Variants in ACSM1 observed in about 807,000 individuals in gnomAD.
ACSM1 encodes acyl-coenzyme A synthetase ACSM1, mitochondrial.
ACSM1 carries 79 observed loss-of-function variants against 75.8 expected under a neutral mutation model. That is an observed-to-expected ratio of 1.04 (90% CI 0.87 to 1.26). ACSM1 has a LOEUF of 1.26. Among genes scored for constraint, ACSM1 ranks in the 50% most tolerant of loss-of-function variants. The pLI is 0.00. For missense variants in ACSM1, 676 were observed against 720.1 expected, an observed-to-expected ratio of 0.94 and a Z score of 0.70; for synonymous variants, 279 against 265.8, an observed-to-expected ratio of 1.05 and a Z score of -0.48.
At chr16:20,673,066 T>C (rs1337606175) in intron 4 of ACSM1, among the ~76,000 whole-genome samples, 5 of 146,194 alleles carry the variant, frequency 3.4e-5, no homozygotes, top group Non-Finnish European at 6.0e-5. Flanking sequence ...AATTATATGA[T>C]ATATATACTT....
chr16:20,661,667 C>A (rs544861138), intron 7 of ACSM1, 127 bp downstream of exon 7: 8 of 581,532 alleles, frequency 1.4e-5, no homozygotes, highest in African/African-American at 1.1e-4. Context: ...TGATCATCAT[C>A]GCCACCAACA....
Position 20,623,493 on chromosome 16 carries a change from T to A in ACSM1, c.1727A>T (p.Gln576Leu), listed in dbSNP as rs771279403. ...TTCTGAGTTCACTGCCGATTACATC[T>A]GACCAGTCTCCTTTTTCCGAAGTTC... ...RKELRKKETGQM is the reference protein window; with the variant it reads ...RKELRKKETGLM The change falls in exon 14 of 14, where the codon CAG (glutamine) becomes CTG (leucine). Residue 576 changes from glutamine (Q) to leucine (L), a missense_variant. Physicochemically the swap from Gln to Leu is moderately radical, Grantham distance 113. Transcript: ENST00000520010. 1.9e-6 allele frequency: 3 copies of A among 1,614,142 alleles called. No individual in the cohort carries two copies. In the South Asian group the frequency reaches 3.3e-5, roughly 18 times the overall value.
chr16:20,627,234 T>C lies in ACSM1; in HGVS notation c.1382A>G (p.Tyr461Cys). The C allele has an allele frequency of 6.3e-7, 1 of 1,586,616 alleles. No individual in the cohort carries two copies. The highest frequency in any genetic ancestry group is 1.2e-5 in the South Asian group (1 of 85,554). ...ATCACTCCTCCCCAGGAAACAAATG[T>C]AGCCCTCTTCATCCATCTTACCTCT... ...GDRGKMDEEG[Y>C]ICFLGRSDDI... The change falls in exon 11 of 14, where the codon TAC (tyrosine) becomes TGC (cysteine). Residue 461 changes from tyrosine to cysteine, a missense_variant. By Grantham distance (194) the Tyr-to-Cys change is radical. Coordinates refer to ENST00000520010, the MANE Select transcript of ACSM1 (RefSeq NM_001318890.3).
At chr16:20,679,788 A>G (rs2079400583) in intron 4 of ACSM1, 1 of 152,196 alleles carries the variant, frequency 6.6e-6, no homozygotes, top group Non-Finnish European at 1.5e-5. Flanking sequence ...ATAATCAGCT[A>G]TATGTATGTT....
chr16:20,673,071 A>G (rs1357141123), intron 4 of ACSM1, among the ~76,000 whole-genome samples: 5 of 146,402 alleles, frequency 3.4e-5, no homozygotes, highest in Non-Finnish European at 7.5e-5. Context: ...TATGATATAT[A>G]TACTTATATA....
chr16:20,673,048 A>C (rs961207598), intron 4 of ACSM1, among the ~76,000 whole-genome samples: 3 of 145,894 alleles, frequency 2.1e-5, no homozygotes, highest in Non-Finnish European at 4.5e-5. Context: ...CATGTCATAT[A>C]TACATATAAT....
At chr16:20,625,857 A>G (rs1251656118) in intron 11 of ACSM1, among the ~76,000 whole-genome samples, 4 of 152,180 alleles carry the variant, frequency 2.6e-5, no homozygotes, top group African/African-American at 9.7e-5. Context: ...ATTCATGCAA[A>G]TTCTGCATAC....
chr16:20,665,834 T>C (rs890914974), intron 6 of ACSM1, among the ~76,000 whole-genome samples: 4 of 152,124 alleles, frequency 2.6e-5, no homozygotes, highest in Non-Finnish European at 5.9e-5. Flanking sequence ...GGTCAACATA[T>C]GCAGATCAAT....
chr16:20,657,331 A>T (rs1270204902), intron 7 of ACSM1, among the ~76,000 whole-genome samples: 1 of 151,710 alleles, frequency 6.6e-6, no homozygotes, highest in Non-Finnish European at 1.5e-5. Context: ...TTTTTCACAC[A>T]GAGTCTCTCT....
intron 5 of ACSM1, among the ~76,000 whole-genome samples, chr16:20,670,758 G>A (rs1019280851): frequency 1.3e-5 from 2 of 152,076 alleles, no homozygotes; most frequent in African/African-American, 4.8e-5. Context: ...TATTCCACCT[G>A]CACAGAAGCT....
chr16:20,627,167 G>A (rs554446803), intron 11 of ACSM1, 22 bp downstream of exon 11: 4 of 1,512,664 alleles, frequency 2.6e-6, no homozygotes, highest in Admixed American at 4.8e-5. Context: ...ACAACAGCCA[G>A]CCCAGCATCA....
chr16:20,696,275 GTCTCTA>G (rs1326545541), intron 1 of ACSM1, among the ~76,000 whole-genome samples: 4 of 152,226 alleles, frequency 2.6e-5, no homozygotes, highest in Admixed American at 2.0e-4. Flanking sequence ...CACTATCTCT[GTCTCTA>G]TCTCTATCTC....
At chr16:20,643,658 G>A (rs1253748384) in intron 7 of ACSM1, among the ~76,000 whole-genome samples, 1 of 152,228 alleles carries the variant, frequency 6.6e-6, no homozygotes, top group Non-Finnish European at 1.5e-5. Context: ...GGGGACCCAA[G>A]CAGGTTGCCA....
At chr16:20,679,039 A>C (rs190131467) in intron 4 of ACSM1, 1 of 152,286 alleles carries the variant, frequency 6.6e-6, no homozygotes, top group Admixed American at 6.5e-5. Flanking sequence ...TAACAGACCC[A>C]GTACACCCTT....
At chr16:20,645,811 A>G (rs1426468003) in intron 7 of ACSM1, among the ~76,000 whole-genome samples, 2 of 152,222 alleles carry the variant, frequency 1.3e-5, no homozygotes, top group African/African-American at 4.8e-5. Flanking sequence ...ACTAAGGAAA[A>G]CTAGGAAGAA....
chr16:20,687,740 TATATATG>T (rs1359827277), intron 2 of ACSM1, among the ~76,000 whole-genome samples: 1 of 151,968 alleles, frequency 6.6e-6, no homozygotes, highest in African/African-American at 2.4e-5. Context: ...TTAGAAAAAC[TATATATG>T]AACAAAATAA....
intron 7 of ACSM1, among the ~76,000 whole-genome samples, chr16:20,656,448 AC>A (rs1426235116): frequency 6.6e-6 from 1 of 152,084 alleles, no homozygotes; most frequent in Non-Finnish European, 1.5e-5. Context: ...CGGGTTTTGC[AC>A]CCCACCCCAC....
At chr16:20,696,150 T>C (rs1322959877) in intron 1 of ACSM1, among the ~76,000 whole-genome samples, 1 of 152,244 alleles carries the variant, frequency 6.6e-6, no homozygotes, top group Non-Finnish European at 1.5e-5. Flanking sequence ...TAGAAGACTA[T>C]GCTTTGTGGG....
chr16:20,685,110 T>C, intron 3 of ACSM1, 83 bp downstream of exon 3: 1 of 1,458,030 alleles, frequency 6.9e-7, no homozygotes, highest in Non-Finnish European at 9.6e-7. Context: ...AGTGCCAGGC[T>C]GGGTGCACAG....
Sources: gnomAD v4.1 joint callset for allele counts (sites outside exome capture counted in the v4.1 genomes callset) on GRCh38, gnomAD v4.1.1 for gene constraint, MANE v1.5 for transcripts, NCBI Gene and HGNC (gene_info 2026-07-23, HGNC 2026-07-21) for gene names.